The following DNAJC13 variants were observed in gnomAD, a reference collection of about 807,000 sequenced individuals.
The protein encoded by DNAJC13 is dnaJ homolog subfamily C member 13.
A neutral mutation model predicts 290.5 loss-of-function variants in DNAJC13; 75 were observed. The ratio of observed to expected loss-of-function variants is 0.26; its 90% confidence interval spans 0.21 to 0.31. The LOEUF (loss-of-function observed/expected upper bound fraction) is 0.31. DNAJC13 is among the 10% of genes least tolerant of loss of function. The pLI is 1.00. For synonymous variants in DNAJC13, 862 were observed against 892.0 expected, an observed-to-expected ratio of 0.97 and a Z score of 0.60; for missense variants, 2,260 against 2,674.5, an observed-to-expected ratio of 0.85 and a Z score of 3.42.
chr3:132,523,488 C>T (rs1936159537), intron 50 of DNAJC13, 52 bp from the exon 51 acceptor site: 1 of 1,570,996 alleles, frequency 6.4e-7, no homozygotes, highest in Non-Finnish European at 8.6e-7. Flanking sequence ...GTGTGCATTT[C>T]TAGCTTCAAG....
intron 22 of DNAJC13, among the ~76,000 whole-genome samples, chr3:132,476,736 G>A (rs1215998951): frequency 6.6e-6 from 1 of 152,146 alleles, no homozygotes; most frequent in Non-Finnish European, 1.5e-5. Context: ...CCTCAAGGTC[G>A]TCTTCTTTGG....
intron 4 of DNAJC13, 83 bp downstream of exon 4, chr3:132,447,553 T>C: frequency 7.8e-7 from 1 of 1,289,940 alleles, no homozygotes; most frequent in East Asian, 2.8e-5. Context: ...GAGAAATTAA[T>C]GTTCTCTGCC....
rs549506059 is a variant in DNAJC13, at chr3:132,425,861, T to G, written c.-14+8101T>G. Among the ~76,000 whole-genome samples, 6 of 152,240 alleles carry G rather than the reference T, an allele frequency of 3.9e-5. No individual in the cohort carries two copies. The East Asian group carries it at 1.2e-3, about 29-fold the overall frequency. ...TACTTAATTTTGCTGTGTGTGTAAA[T>G]TTTTTTGCTTATAGCTTGACCGTAA... On this transcript the variant is annotated intron_variant, in intron 1 of 55. Coordinates refer to ENST00000260818, the MANE Select transcript of DNAJC13 (RefSeq NM_015268.4).
Position 132,477,988 on chromosome 3 carries a change from T to G in DNAJC13, c.2557T>G (p.Phe853Val). The G allele has an allele frequency of 1.9e-6, 3 of 1,600,498 alleles. No homozygotes were observed. In the South Asian group the frequency reaches 3.4e-5, roughly 18 times the overall value. The change falls in exon 24 of 56, where the codon TTT becomes GTT. Residue 853 changes from phenylalanine (F) to valine (V), a missense_variant. Transcript: ENST00000260818. ...ESGSIKRSYE[F>V]FNELYHRFLL... Reference sequence around the variant, plus strand: ...TTTTTTTTTAAAATCTAGGTATGAATTTTTCAATGAGCTTTATCATCGCTT... The same window carrying G: ...TTTTTTTTTAAAATCTAGGTATGAAGTTTTCAATGAGCTTTATCATCGCTT...
intron 53 of DNAJC13, 40 bp from the exon 54 acceptor site, chr3:132,528,148 AT>A: frequency 6.2e-7 from 1 of 1,604,780 alleles, no homozygotes; most frequent in Non-Finnish European, 8.5e-7. Flanking sequence ...GATGATTTGC[AT>A]TTTTTCTGTG....
At chr3:132,465,300 C>A (rs1372686672) in intron 17 of DNAJC13, among the ~76,000 whole-genome samples, 8 of 152,000 alleles carry the variant, frequency 5.3e-5, no homozygotes, top group Admixed American at 5.2e-4. Context: ...GTAATTGAAT[C>A]CCCACCAAAG....
At chr3:132,484,733 C>A in intron 29 of DNAJC13, 61 bp downstream of exon 29, 1 of 1,429,422 alleles carries the variant, frequency 7.0e-7, no homozygotes, top group South Asian at 1.1e-5. Context: ...ATTTTATTAT[C>A]AGTACCAGTC....
intron 43 of DNAJC13, 87 bp downstream of exon 43, chr3:132,507,440 A>T: frequency 2.6e-6 from 2 of 775,624 alleles, no homozygotes; most frequent in Non-Finnish European, 4.3e-6. Context: ...ATAGAGGCAC[A>T]CTTCATTTTA....
At chr3:132,473,316 G>A (rs1934352542) in intron 21 of DNAJC13, 89 bp downstream of exon 21, 2 of 863,150 alleles carry the variant, frequency 2.3e-6, no homozygotes, top group Non-Finnish European at 3.7e-6. Context: ...TGAAACTGTT[G>A]CTTTATGCCA....
rs1935623725 is a variant in DNAJC13, at chr3:132,507,242, T to C, written c.5004T>C (p.Asp1668=). Residue 1668 remains aspartate (D), a synonymous_variant, in exon 43 of 56, where the codon GAT becomes GAC. Transcript: ENST00000260818. ...SQQENMIKKG[D]CDKTYGSEFV... The stretch of plus-strand genomic sequence containing the variant: ...TTTTTTCATCTTTTAAAAAGGGTGA[T>C]TGTGACAAAACTTATGGATCAGAAT... 5.0e-6 allele frequency: 8 copies of C among 1,602,234 alleles called. No homozygotes were observed. Among genetic ancestry groups the C allele is most frequent in the African/African-American group, 1.3e-5 (1 of 74,764 alleles).
chr3:132,528,438 G>C, intron 54 of DNAJC13, 106 bp downstream of exon 54: 1 of 1,362,680 alleles, frequency 7.3e-7, no homozygotes, highest in African/African-American at 1.4e-5. Context: ...TGGTTCTGTT[G>C]GTTGTAACTG....
chr3:132,417,906 C>A (rs1398576839), intron 1 of DNAJC13, 146 bp downstream of exon 1: 2 of 153,184 alleles, frequency 1.3e-5, no homozygotes, highest in African/African-American at 4.8e-5. Flanking sequence ...ATTACCCTTC[C>A]CCCAGGCTGC....
At chr3:132,517,685 G>C (rs551650725) in intron 48 of DNAJC13, among the ~76,000 whole-genome samples, 4 of 152,226 alleles carry the variant, frequency 2.6e-5, no homozygotes, top group African/African-American at 9.6e-5. Context: ...GTAAGGAGGA[G>C]GCTAAGATCC....
Position 132,502,323 on chromosome 3 carries a change from G to A in DNAJC13, c.4571G>A (p.Cys1524Tyr), listed in dbSNP as rs1294959251. Residue 1524 changes from cysteine (C) to tyrosine (Y), a missense_variant, in exon 40 of 56, where the codon TGT becomes TAT. Cys to Tyr is a radical substitution (Grantham distance 194). Transcript: ENST00000260818. ...IPRVAALGVE[C>Y]VSSFAVDFWL... is the part of the protein sequence containing the mutation. Reference sequence around the variant, plus strand: ...CGCGTAGCTGCTCTTGGGGTAGAATGTGTCAGTTCTTTTGCTGTGGATTTC... The same window carrying A: ...CGCGTAGCTGCTCTTGGGGTAGAATATGTCAGTTCTTTTGCTGTGGATTTC... The A allele has an allele frequency of 6.2e-7, 1 of 1,612,662 alleles. No individual in the cohort carries two copies. Among genetic ancestry groups the A allele is most frequent in the South Asian group, 1.1e-5 (1 of 91,010 alleles).
intron 20 of DNAJC13, among the ~76,000 whole-genome samples, chr3:132,471,340 G>C (rs1281424011): frequency 1.4e-5 from 2 of 143,624 alleles, no homozygotes; most frequent in African/African-American, 2.6e-5. Context: ...CCGGGCGGGG[G>C]GTTGACCCCC....
Position 132,484,623 on chromosome 3 carries a change from A to G in DNAJC13, c.3218A>G (p.Lys1073Arg), listed in dbSNP as rs1180139068. ...QDNAIIRPLP[K>R]VKRLLSDSTC... ...AATGCCATCATTCGGCCTCTACCCAAAGTGAAAAGACTGCTGTCAGATAGC... is the reference window on the plus strand; with the variant it reads ...AATGCCATCATTCGGCCTCTACCCAGAGTGAAAAGACTGCTGTCAGATAGC... Residue 1073 changes from lysine (K) to arginine (R), a missense_variant, in exon 29 of 56, where the codon AAA becomes AGA. Lys to Arg is a conservative substitution (Grantham distance 26). Coordinates refer to ENST00000260818, the MANE Select transcript of DNAJC13 (RefSeq NM_015268.4). 14 of 1,614,138 alleles carry G rather than the reference A, an allele frequency of 8.7e-6. No homozygotes were observed. The highest frequency in any genetic ancestry group is 1.0e-5 in the Non-Finnish European group (12 of 1,179,996).
intron 17 of DNAJC13, among the ~76,000 whole-genome samples, chr3:132,464,462 A>G (rs1933910525): frequency 6.6e-6 from 1 of 152,226 alleles, no homozygotes; most frequent in Non-Finnish European, 1.5e-5. Context: ...TAAAAACAGT[A>G]TCATAAATAG....
In DNAJC13 at chr3:132,499,200, C is replaced by G; in HGVS notation, c.4231C>G (p.Leu1411Val). Reference protein sequence around the residue: ...TITMETSDDLLFSKESPLLPA... With the variant: ...TITMETSDDLVFSKESPLLPA... ...AACAATGGAAACTTCAGATGACCTC[C>G]TTTTCTCAAAAGAATCACCATTGTT... Residue 1411 changes from leucine (L) to valine (V), a missense_variant, in exon 37 of 56, where the codon CTT (leucine) becomes GTT (valine). By Grantham distance (32) the Leu-to-Val change is conservative. Transcript: ENST00000260818. 6.2e-7 allele frequency: 1 copy of G among 1,614,076 alleles called. No homozygotes were observed. Among genetic ancestry groups the G allele is most frequent in the Non-Finnish European group, 8.5e-7 (1 of 1,179,936 alleles).
At chr3:132,523,828 A>G (rs1936170286) in intron 51 of DNAJC13, 115 bp downstream of exon 51, 2 of 1,020,098 alleles carry the variant, frequency 2.0e-6, no homozygotes, top group East Asian at 2.6e-5. Context: ...AGCTCTTTCA[A>G]TATAGCAGCC....
Sources: allele counts gnomAD v4.1 joint callset (sites outside exome capture counted in the v4.1 genomes callset), GRCh38; gene constraint gnomAD v4.1.1; transcripts MANE v1.5; gene names NCBI Gene and HGNC (gene_info 2026-07-23, HGNC 2026-07-21).